Variants in POLR2J observed in about 807,000 individuals in gnomAD.
POLR2J encodes the protein RNA polymerase II subunit J, also known as DNA-directed RNA polymerase II subunit RPB11-a.
In POLR2J, 12 loss-of-function variants were observed where a neutral mutation model predicts 13.4. That is an observed-to-expected ratio of 0.90 (90% CI 0.57 to 1.45). The LOEUF is 1.45. POLR2J is among the 40% of genes most tolerant of loss of function. The pLI, the probability that POLR2J is intolerant of heterozygous loss-of-function variation, is 0.00. For synonymous variants in POLR2J, 31 were observed against 53.6 expected (o/e 0.58, Z 1.84); for missense variants, 58 against 132.0 (o/e 0.44, Z 2.75).
chr7:102,478,533 T>A (rs916471966), intron 1 of POLR2J, among the ~76,000 whole-genome samples: 2 of 151,940 alleles, frequency 1.3e-5, no homozygotes, highest in East Asian at 3.9e-4. Context: ...GGAAAAGGGC[T>A]ATGGAGAACC....
intron 3 of POLR2J, 126 bp downstream of exon 3, chr7:102,474,235 C>G: frequency 6.3e-7 from 1 of 1,585,082 alleles, no homozygotes; most frequent in Non-Finnish European, 8.6e-7. Context: ...GTGGAAGTCC[C>G]TGCTCTTCCA....
intron 1 of POLR2J, among the ~76,000 whole-genome samples, chr7:102,478,388 C>T (rs1460289522): frequency 7.3e-6 from 1 of 136,128 alleles, no homozygotes; most frequent in South Asian, 2.5e-4. Context: ...AGCCCAAGCT[C>T]TCTCCCCTGG....
intron 1 of POLR2J, 71 bp downstream of exon 1, chr7:102,478,737 G>C (rs960418745): frequency 5.6e-6 from 9 of 1,598,412 alleles, no homozygotes; most frequent in Non-Finnish European, 7.7e-6. Context: ...CAAGAGATGG[G>C]CAGGAGACAC....
chr7:102,473,601 C>T lies in POLR2J; in HGVS notation c.*48G>A, dbSNP rs1481870693. On this transcript the variant is annotated 3_prime_UTR_variant, in exon 4 of 4. Transcript: ENST00000292614. Reference sequence around the variant, plus strand: ...GTGGTACCTGGAGCGGAGGGTCAGGCACAGGTAGGAACGGGGCTCACAGGC... The same window carrying T: ...GTGGTACCTGGAGCGGAGGGTCAGGTACAGGTAGGAACGGGGCTCACAGGC... 3 of 1,597,930 alleles carry T rather than the reference C, an allele frequency of 1.9e-6. No individual in the cohort carries two copies. Among genetic ancestry groups the T allele is most frequent in the East Asian group, 4.7e-5 (2 of 42,692 alleles).
At chr7:102,478,542 C>T (rs1043504530) in intron 1 of POLR2J, among the ~76,000 whole-genome samples, 2 of 151,884 alleles carry the variant, frequency 1.3e-5, no homozygotes, top group African/African-American at 4.8e-5. Flanking sequence ...CTATGGAGAA[C>T]CAGACACTCT....
At chr7:102,474,252 C>T (rs1311365218) in intron 3 of POLR2J, 109 bp downstream of exon 3, 2 of 1,603,166 alleles carry the variant, frequency 1.2e-6, no homozygotes, top group Non-Finnish European at 1.7e-6. Context: ...TCCATCACTG[C>T]CGCCTCTCCC....
chr7:102,474,929 T>G (rs1376500641), intron 2 of POLR2J, among the ~76,000 whole-genome samples: 1 of 149,626 alleles, frequency 6.7e-6, no homozygotes, highest in Admixed American at 6.7e-5. Context: ...CTGCCGGCAG[T>G]GAGTGGAATG....
chr7:102,473,633 GAGCCCCCTCT>G lies in POLR2J; in HGVS notation c.*6_*15del. ...AGGAACGGGGCTCACAGGCCGAGCA[GAGCCCCCTCT>G]GGCCCCTACTCAATTCCTTCCTGCT... On this transcript the variant is annotated 3_prime_UTR_variant, in exon 4 of 4. Coordinates refer to ENST00000292614, the MANE Select transcript of POLR2J (RefSeq NM_006234.6). 6.3e-7 allele frequency: 1 copy of G among 1,597,878 alleles called. No homozygotes were observed. The highest frequency in any genetic ancestry group is 8.5e-7 in the Non-Finnish European group (1 of 1,175,112).
At chr7:102,473,733 G>C in intron 3 of POLR2J, 49 bp from the exon 4 acceptor site, 1 of 1,612,062 alleles carries the variant, frequency 6.2e-7, no homozygotes, top group South Asian at 1.1e-5. Flanking sequence ...GCTGGGGCAA[G>C]GACGCTGGAA....
intron 3 of POLR2J, 158 bp from the exon 4 acceptor site, chr7:102,473,842 G>A (rs1798323717): frequency 6.9e-7 from 1 of 1,451,250 alleles, no homozygotes; most frequent in Non-Finnish European, 9.0e-7. Flanking sequence ...CTCCCAGCTG[G>A]CCCAATCCAG....
At chr7:102,473,727 G>A (rs760410289) in intron 3 of POLR2J, 43 bp from the exon 4 acceptor site, 5 of 1,612,736 alleles carry the variant, frequency 3.1e-6, no homozygotes, top group Non-Finnish European at 2.5e-6. Flanking sequence ...GGAACAGCTG[G>A]GGCAAGGACG....
chr7:102,473,313 G>T lies in POLR2J; in HGVS notation c.*336C>A. On this transcript the variant is annotated 3_prime_UTR_variant, in exon 4 of 4. Transcript: ENST00000292614. ...TTCTCTCCGGCTCAGCACAGCCCCC[G>T]CAGCAGCCCCTGGACCCCGGATCTT... The T allele has an allele frequency of 1.8e-6, 1 of 568,166 alleles. No individual in the cohort carries two copies. Among genetic ancestry groups the T allele is most frequent in the South Asian group, 2.5e-5 (1 of 40,214 alleles). 35.2% of individuals were successfully genotyped at this position (568,166 alleles called of 1,614,324 possible). A position where few individuals can be genotyped will look rare whatever the true frequency, so the allele number is the denominator to read the frequency against.
intron 2 of POLR2J, among the ~76,000 whole-genome samples, chr7:102,475,333 A>G (rs562444362): frequency 4.3e-4 from 66 of 152,368 alleles, no homozygotes; most frequent in African/African-American, 1.5e-3. Context: ...TGGCAGACAC[A>G]TCCCTGACCA....
In POLR2J at chr7:102,478,896, C is replaced by G. The variant is rs765244486; in HGVS notation, c.-36G>C. 411 of 1,460,130 alleles carry G rather than the reference C, an allele frequency of 2.8e-4. No individual in the cohort carries two copies. Among genetic ancestry groups the G allele is most frequent in the Middle Eastern group, 2.5e-4 (1 of 4,038 alleles). 90.4% of individuals were successfully genotyped at this position (1,460,130 alleles called of 1,614,324 possible). ...CCGTTGCGTCCAGACCCCAAGGGTCCGCCGCCGCCGCCACCAGAGCCCTAA... is the reference window on the plus strand; with the variant it reads ...CCGTTGCGTCCAGACCCCAAGGGTCGGCCGCCGCCGCCACCAGAGCCCTAA... On this transcript the variant is annotated 5_prime_UTR_variant, in exon 1 of 4. Transcript: ENST00000292614.
chr7:102,474,062 A>G (rs1798334204), intron 3 of POLR2J: 1 of 1,405,010 alleles, frequency 7.1e-7, no homozygotes, highest in South Asian at 1.5e-5. Context: ...CCAATCACCA[A>G]CAAGGGACGT....
Position 102,473,615 on chromosome 7 carries a change from G to T in POLR2J, c.*34C>A. 1 of 1,613,194 alleles carries T rather than the reference G, an allele frequency of 6.2e-7. No individual in the cohort carries two copies. The highest frequency in any genetic ancestry group is 8.5e-7 in the Non-Finnish European group (1 of 1,179,656). On this transcript the variant is annotated 3_prime_UTR_variant, in exon 4 of 4. Transcript: ENST00000292614. Reference sequence around the variant, plus strand: ...GGAGGGTCAGGCACAGGTAGGAACGGGGCTCACAGGCCGAGCAGAGCCCCC... The same window carrying T: ...GGAGGGTCAGGCACAGGTAGGAACGTGGCTCACAGGCCGAGCAGAGCCCCC...
chr7:102,473,763 C>A, intron 3 of POLR2J, 79 bp from the exon 4 acceptor site: 1 of 1,586,494 alleles, frequency 6.3e-7, no homozygotes, highest in African/African-American at 1.3e-5. Flanking sequence ...CAGCATCCCC[C>A]CCGCCAGGCC....
Position 102,476,011 on chromosome 7 carries a change from G to C in POLR2J, c.143+170C>G, listed in dbSNP as rs546321203. 9.6e-4 allele frequency among the ~76,000 whole-genome samples: 127 copies of C among 132,060 alleles called. 1 individual carries two copies. Among genetic ancestry groups the C allele is most frequent in the South Asian group, 5.1e-3 (21 of 4,118 alleles). The allele number at this position is 132,060 out of a possible 152,430, so 86.6% of individuals were successfully genotyped here. ...AGAAGTGTGGCTTATGTGAAGACAT[G>C]GAGGTCGGTGTCATTTTGATAAAAA... On this transcript the variant is annotated intron_variant, in intron 2 of 3. Transcript: ENST00000292614.
At chr7:102,473,714 G>GCTGGAACAGCTGGGGCAA in intron 3 of POLR2J, 30 bp from the exon 4 acceptor site, 1 of 1,613,376 alleles carries the variant, frequency 6.2e-7, no homozygotes, top group African/African-American at 1.3e-5. Context: ...TGGAGACTGA[G>GCTGGAACAGCTGGGGCAA]CTGGAACAGC....
Sources: allele counts gnomAD v4.1 joint callset (sites outside exome capture counted in the v4.1 genomes callset), GRCh38; gene constraint gnomAD v4.1.1; transcripts MANE v1.5; gene names NCBI Gene and HGNC (gene_info 2026-07-23, HGNC 2026-07-21).